CNTNAP2: variants seen among roughly 807,000 people sequenced by gnomAD.
The protein encoded by CNTNAP2 is contactin associated protein 2, also known as contactin-associated protein-like 2.
In CNTNAP2, 98 loss-of-function variants were observed where a neutral mutation model predicts 155.2. That is an observed-to-expected ratio of 0.63 (90% CI 0.54 to 0.75). CNTNAP2 has a LOEUF of 0.75. CNTNAP2 is among the 30% of genes least tolerant of loss of function. CNTNAP2 has a pLI of 0.00. For synonymous variants in CNTNAP2, 651 were observed against 631.2 expected (o/e 1.03, Z -0.47); for missense variants, 1,727 against 1,688.1 (o/e 1.02, Z -0.40).
At chr7:147,884,352 T>C (rs932651483) in intron 13 of CNTNAP2, among the ~76,000 whole-genome samples, 20 of 152,320 alleles carry the variant, frequency 1.3e-4, no homozygotes, top group African/African-American at 4.8e-4. Flanking sequence ...GTGGTTTTGA[T>C]GTTTTGAGAT....
intron 14 of CNTNAP2, among the ~76,000 whole-genome samples, chr7:147,960,402 C>T (rs531607586): frequency 5.3e-5 from 8 of 152,224 alleles, no homozygotes; most frequent in African/African-American, 1.7e-4. Flanking sequence ...AGATGATTAA[C>T]CAATGAGGTG....
intron 2 of CNTNAP2, among the ~76,000 whole-genome samples, chr7:146,786,496 C>A (rs1802576598): frequency 6.6e-6 from 1 of 152,072 alleles, no homozygotes; most frequent in South Asian, 2.1e-4. Flanking sequence ...AATAAGAATT[C>A]AAAGCAGTGT....
chr7:146,458,290 G>C (rs1796586833), intron 1 of CNTNAP2, among the ~76,000 whole-genome samples: 1 of 152,102 alleles, frequency 6.6e-6, no homozygotes, highest in East Asian at 1.9e-4. Flanking sequence ...ATGTACCCTG[G>C]AACTTAAAAT....
In CNTNAP2 at chr7:147,574,362, G is replaced by T. The variant is rs186140024; in HGVS notation, c.1897+12105G>T. Reference sequence around the variant, plus strand: ...GTGTGTTTATTATTACGAGTGGGAGGGTCTTGTTGACTTGGAGCTTTACTG... The same window carrying T: ...GTGTGTTTATTATTACGAGTGGGAGTGTCTTGTTGACTTGGAGCTTTACTG... On this transcript the variant is annotated intron_variant, in intron 12 of 23. Coordinates refer to ENST00000361727, the MANE Select transcript of CNTNAP2 (RefSeq NM_014141.6). Among the ~76,000 whole-genome samples, 165 of 152,014 alleles carry T rather than the reference G, an allele frequency of 1.1e-3. 1 individual carries two copies. Among genetic ancestry groups the T allele is most frequent in the African/African-American group, 3.5e-3 (147 of 41,456 alleles).
intron 1 of CNTNAP2, among the ~76,000 whole-genome samples, chr7:146,232,667 A>G (rs1562999853): frequency 6.6e-6 from 1 of 152,166 alleles, no homozygotes; most frequent in Non-Finnish European, 1.5e-5. Context: ...TTTGAAAACT[A>G]TTCTATCTCT....
At chr7:147,722,251 A>G (rs1796576745) in intron 13 of CNTNAP2, among the ~76,000 whole-genome samples, 1 of 152,188 alleles carries the variant, frequency 6.6e-6, no homozygotes, top group South Asian at 2.1e-4. Flanking sequence ...CCAGTTTCTG[A>G]GATCACAATT....
At chr7:147,379,570 G>A (rs1376246531) in intron 9 of CNTNAP2, among the ~76,000 whole-genome samples, 2 of 152,024 alleles carry the variant, frequency 1.3e-5, no homozygotes, top group Admixed American at 6.6e-5. Context: ...AATAGTCAGT[G>A]TAAATTCAAA....
intron 3 of CNTNAP2, among the ~76,000 whole-genome samples, chr7:146,843,002 T>G (rs1803768359): frequency 1.7e-5 from 1 of 58,246 alleles, no homozygotes. Flanking sequence ...CACTTTTTTT[T>G]TTTTTTTTTT....
chr7:148,082,719 AC>A (rs965750047), intron 15 of CNTNAP2, among the ~76,000 whole-genome samples: 46 of 152,104 alleles, frequency 3.0e-4, no homozygotes, highest in African/African-American at 1.1e-3. Flanking sequence ...TCACTCTGTC[AC>A]CAGCGTGGAG....
At chr7:148,048,412 C>T (rs2116490313) in intron 15 of CNTNAP2, among the ~76,000 whole-genome samples, 1 of 152,274 alleles carries the variant, frequency 6.6e-6, no homozygotes, top group Non-Finnish European at 1.5e-5. Flanking sequence ...CACCTCCTTT[C>T]CCCCTCTCCC....
At chr7:148,019,552 G>T (rs1408873996) in intron 15 of CNTNAP2, among the ~76,000 whole-genome samples, 1 of 151,910 alleles carries the variant, frequency 6.6e-6, no homozygotes, top group African/African-American at 2.4e-5. Flanking sequence ...CACCCCCCAG[G>T]TCCAAGAGAT....
chr7:147,814,198 A>C (rs1385997032), intron 13 of CNTNAP2, among the ~76,000 whole-genome samples: 1 of 152,182 alleles, frequency 6.6e-6, no homozygotes, highest in Non-Finnish European at 1.5e-5. Flanking sequence ...AGAAACTCTG[A>C]TATTAAATAT....
At chr7:146,430,115 G>T (rs955241509) in intron 1 of CNTNAP2, among the ~76,000 whole-genome samples, 2 of 151,764 alleles carry the variant, frequency 1.3e-5, no homozygotes, top group East Asian at 1.9e-4. Flanking sequence ...GCTAGATTCA[G>T]TTTGCCAGTA....
intron 11 of CNTNAP2, among the ~76,000 whole-genome samples, chr7:147,528,441 C>A (rs188372960): frequency 3.5e-4 from 54 of 152,240 alleles, no homozygotes; most frequent in Admixed American, 2.8e-3. Context: ...ATGAACAGAA[C>A]CTTACTCATT....
intron 8 of CNTNAP2, among the ~76,000 whole-genome samples, chr7:147,297,826 G>A (rs757474744): frequency 1.3e-5 from 2 of 152,132 alleles, no homozygotes; most frequent in Non-Finnish European, 2.9e-5. Context: ...ATCTGTTGAT[G>A]GACACTTTGG....
chr7:148,220,183 A>T (rs1340822044), intron 19 of CNTNAP2, among the ~76,000 whole-genome samples: 2 of 152,206 alleles, frequency 1.3e-5, no homozygotes, highest in East Asian at 3.9e-4. Flanking sequence ...GCTCACTGCA[A>T]GCTCTGCCTT....
chr7:146,577,517 T>C (rs945537999), intron 1 of CNTNAP2, among the ~76,000 whole-genome samples: 5 of 152,112 alleles, frequency 3.3e-5, no homozygotes, highest in Non-Finnish European at 7.4e-5. Context: ...TTCATCTAAT[T>C]AGACTTTTAA....
Position 147,053,255 on chromosome 7 carries a change from G to A in CNTNAP2, c.550+9201G>A, listed in dbSNP as rs764224284. ...CATTCCTGGGTTACCATTTGAGGGT[G>A]ACATTTGAAATGAACAAATTTAAAG... is the stretch of plus-strand genomic sequence containing the variant. On this transcript the variant is annotated intron_variant, in intron 4 of 23. Coordinates refer to ENST00000361727, the MANE Select transcript of CNTNAP2 (RefSeq NM_014141.6). Among the ~76,000 whole-genome samples the A allele has an allele frequency of 9.3e-4, 142 of 152,188 alleles. 1 individual carries two copies. Among genetic ancestry groups the A allele is most frequent in the South Asian group, 4.2e-4 (2 of 4,818 alleles).
chr7:146,894,342 C>T (rs534534119), intron 3 of CNTNAP2, among the ~76,000 whole-genome samples: 2 of 152,248 alleles, frequency 1.3e-5, no homozygotes, highest in East Asian at 1.9e-4. Flanking sequence ...CAATACCCTT[C>T]GAAATCTGTG....
Sources: gnomAD v4.1 joint callset for allele counts (sites outside exome capture counted in the v4.1 genomes callset) on GRCh38, gnomAD v4.1.1 for gene constraint, MANE v1.5 for transcripts, NCBI Gene and HGNC (gene_info 2026-07-23, HGNC 2026-07-21) for gene names.